CNTN6: variants seen among roughly 807,000 people sequenced by gnomAD.
The protein encoded by CNTN6 is contactin-6.
CNTN6 carries 137 observed loss-of-function variants against 122.8 expected under a neutral mutation model. The ratio of observed to expected loss-of-function variants is 1.12; its 90% CI spans 0.97 to 1.29. The LOEUF (loss-of-function observed/expected upper bound fraction) is 1.29, where lower values mean the gene tolerates loss of function less well. Ranked by LOEUF, CNTN6 falls within the 50% of genes most tolerant of loss-of-function variation. The pLI is 0.00. For synonymous variants in CNTN6, 570 were observed against 426.0 expected (o/e 1.34, Z -4.16); for missense variants, 1,634 against 1,223.4 (o/e 1.34, Z -5.01).
intron 4 of CNTN6, among the ~76,000 whole-genome samples, chr3:1,231,398 A>G (rs930357289): frequency 6.6e-6 from 1 of 152,196 alleles, no homozygotes; most frequent in Non-Finnish European, 1.5e-5. Context: ...CTTATGAACA[A>G]CCTTTCAGAA....
chr3:1,268,390 G>T (rs1005756791), intron 4 of CNTN6, among the ~76,000 whole-genome samples: 1 of 152,090 alleles, frequency 6.6e-6, no homozygotes, highest in Non-Finnish European at 1.5e-5. Flanking sequence ...GGCGGATCAC[G>T]AGGTCAGGAG....
intron 4 of CNTN6, among the ~76,000 whole-genome samples, chr3:1,272,887 T>A (rs1010653928): frequency 1.3e-5 from 2 of 152,212 alleles, no homozygotes; most frequent in East Asian, 3.9e-4. Flanking sequence ...GATGTTACAA[T>A]ACTTGTATTG....
chr3:1,203,751 A>AT (rs141707123), intron 2 of CNTN6, among the ~76,000 whole-genome samples: 9 of 152,134 alleles, frequency 5.9e-5, no homozygotes, highest in Middle Eastern at 3.4e-3. Context: ...GCCATTCCAG[A>AT]TTTTTTTTAG....
In CNTN6 at chr3:1,329,790, G is replaced by A. The variant is rs747884038; in HGVS notation, c.1219G>A (p.Ala407Thr). ...GTCTTTGATTTTGTTTTTAGCCTCA[G>A]CTCCAGATTTCTCCAAAAGTCCAGT... ...ANAELRVLAS[A>T]PDFSKSPVKK... Residue 407 changes from alanine (A) to threonine (T), a missense_variant, in exon 11 of 23, where the codon GCT (alanine) becomes ACT (threonine). Ala to Thr is a moderately conservative substitution (Grantham distance 58, BLOSUM62 0). Transcript: ENST00000446702. 7.5e-6 allele frequency: 12 copies of A among 1,605,582 alleles called. No homozygotes were observed. The African/African-American group carries it at 8.1e-5, about 11-fold the overall frequency.
chr3:1,187,459 T>A (rs533902514), intron 2 of CNTN6, among the ~76,000 whole-genome samples: 10 of 152,134 alleles, frequency 6.6e-5, no homozygotes, highest in African/African-American at 2.4e-4. Flanking sequence ...TATAGGCCCA[T>A]GGTGTCAGGC....
intron 2 of CNTN6, among the ~76,000 whole-genome samples, chr3:1,173,522 C>T (rs2093397341): frequency 6.6e-6 from 1 of 152,174 alleles, no homozygotes; most frequent in Non-Finnish European, 1.5e-5. Flanking sequence ...ACAACTAGTA[C>T]ATGACGAAGT....
intron 2 of CNTN6, among the ~76,000 whole-genome samples, chr3:1,219,689 G>C (rs2125516729): frequency 6.6e-6 from 1 of 152,240 alleles, no homozygotes; most frequent in South Asian, 2.1e-4. Flanking sequence ...AAAGACTGTG[G>C]AATTGTTGCA....
At chr3:1,241,808 TAA>T (rs2094489224) in intron 4 of CNTN6, among the ~76,000 whole-genome samples, 2 of 152,248 alleles carry the variant, frequency 1.3e-5, no homozygotes, top group African/African-American at 4.8e-5. Flanking sequence ...CAACTGCAGC[TAA>T]AGAGTCAACT....
At chr3:1,380,928 C>G (rs1398980627) in intron 17 of CNTN6, among the ~76,000 whole-genome samples, 2 of 152,162 alleles carry the variant, frequency 1.3e-5, no homozygotes, top group African/African-American at 4.8e-5. Flanking sequence ...TGAACACTGT[C>G]TCCACTTAAA....
chr3:1,307,776 T>A (rs2125914289), intron 7 of CNTN6, among the ~76,000 whole-genome samples: 1 of 152,204 alleles, frequency 6.6e-6, no homozygotes, highest in South Asian at 2.1e-4. Context: ...TTAGAATGTG[T>A]CTGTATTTGT....
At chr3:1,142,987 T>C (rs1271238841) in intron 1 of CNTN6, among the ~76,000 whole-genome samples, 1 of 144,332 alleles carries the variant, frequency 6.9e-6, no homozygotes, top group African/African-American at 2.6e-5. Context: ...TATATATATA[T>C]ATATATATAT....
intron 5 of CNTN6, among the ~76,000 whole-genome samples, chr3:1,293,853 C>G (rs563382654): frequency 1.3e-5 from 2 of 152,272 alleles, no homozygotes; most frequent in East Asian, 3.9e-4. Context: ...CCGCAGTACA[C>G]CTAATGTCTT....
intron 2 of CNTN6, among the ~76,000 whole-genome samples, chr3:1,149,461 T>C (rs2092792805): frequency 6.6e-6 from 1 of 152,300 alleles, no homozygotes; most frequent in African/African-American, 2.4e-5. Context: ...TTTATAGCAA[T>C]CCTGAGAAAT....
At chr3:1,198,834 T>G (rs2125415459) in intron 2 of CNTN6, among the ~76,000 whole-genome samples, 1 of 152,292 alleles carries the variant, frequency 6.6e-6, no homozygotes, top group South Asian at 2.1e-4. Context: ...AGTGCGATCT[T>G]ATTTAGAAAC....
intron 8 of CNTN6, among the ~76,000 whole-genome samples, chr3:1,324,917 A>C (rs1701325550): frequency 7.0e-6 from 1 of 143,088 alleles, no homozygotes; most frequent in Admixed American, 6.8e-5. Flanking sequence ...ATTAAGTGCA[A>C]TTACAAATAT....
chr3:1,205,992 G>T (rs1319055115), intron 2 of CNTN6, among the ~76,000 whole-genome samples: 1 of 152,154 alleles, frequency 6.6e-6, no homozygotes, highest in South Asian at 2.1e-4. Flanking sequence ...AAAGTCATTT[G>T]CATTCTTAAT....
chr3:1,398,035 T>G (rs1218666565), intron 20 of CNTN6, among the ~76,000 whole-genome samples: 1 of 152,114 alleles, frequency 6.6e-6, no homozygotes, highest in Non-Finnish European at 1.5e-5. Context: ...TAGAAAATGA[T>G]TTAGTCTTTG....
intron 4 of CNTN6, among the ~76,000 whole-genome samples, chr3:1,271,308 C>T (rs148254240): frequency 8.1e-4 from 123 of 152,272 alleles, no homozygotes; most frequent in Middle Eastern, 3.4e-3. Flanking sequence ...ATGAAAGCAG[C>T]GGGACATTTT....
intron 4 of CNTN6, among the ~76,000 whole-genome samples, chr3:1,252,774 C>T (rs1575430567): frequency 1.3e-5 from 2 of 152,024 alleles, no homozygotes; most frequent in Non-Finnish European, 2.9e-5. Flanking sequence ...ATTCTCGAAG[C>T]AAATAGAGGG....
Sources: gnomAD v4.1 joint callset for allele counts (sites outside exome capture counted in the v4.1 genomes callset) on GRCh38, gnomAD v4.1.1 for gene constraint, MANE v1.5 for transcripts, NCBI Gene and HGNC (gene_info 2026-07-23, HGNC 2026-07-21) for gene names.